TMEM178B: variants seen among roughly 807,000 people sequenced by gnomAD.
TMEM178B encodes transmembrane protein 178B.
In TMEM178B, 5 loss-of-function variants were observed where a neutral mutation model predicts 31.0. That is an observed-to-expected ratio of 0.16 (90% CI 0.08 to 0.34). The LOEUF (loss-of-function observed/expected upper bound fraction) is 0.34, where lower values mean the gene tolerates loss of function less well. Among genes scored for constraint, TMEM178B ranks in the 10% least tolerant of loss-of-function variants. TMEM178B has a pLI of 1.00. For synonymous variants in TMEM178B, 164 were observed against 164.0 expected (o/e 1.00, Z 0.00); for missense variants, 275 against 400.3 (o/e 0.69, Z 2.67).
intron 1 of TMEM178B, among the ~76,000 whole-genome samples, chr7:141,125,780 C>A (rs1795484497): frequency 6.6e-6 from 1 of 152,030 alleles, no homozygotes; most frequent in African/African-American, 2.4e-5. Flanking sequence ...GTTTTAATTG[C>A]AGTTGGCATT....
At chr7:141,184,347 C>T (rs1202111070) in intron 1 of TMEM178B, among the ~76,000 whole-genome samples, 5 of 152,160 alleles carry the variant, frequency 3.3e-5, no homozygotes, top group Admixed American at 3.3e-4. Context: ...CACTGTTACT[C>T]TTTAGGGACC....
intron 1 of TMEM178B, among the ~76,000 whole-genome samples, chr7:141,117,585 T>C (rs960627542): frequency 7.9e-5 from 12 of 152,350 alleles, no homozygotes; most frequent in African/African-American, 2.9e-4. Flanking sequence ...TCTTTGCCCA[T>C]GCCTATGTCC....
At position 141,160,822 on chromosome 7, in the gene TMEM178B, A is replaced by G. The variant is rs185631334; in HGVS notation, c.383-51769A>G. Among the ~76,000 whole-genome samples, 6 of 152,290 alleles carry G rather than the reference A, an allele frequency of 3.9e-5. No individual in the cohort carries two copies. In the East Asian group the frequency reaches 9.6e-4, roughly 24 times the overall value. ...AATTGGCCTGCATAGAGATTCAATT[A>G]TTAACCTTAAATTCAACACATTTTT... is the stretch of plus-strand genomic sequence containing the variant. On this transcript the variant is annotated intron_variant, in intron 1 of 3. Transcript: ENST00000565468.
At chr7:141,203,325 A>T (rs1168156463) in intron 1 of TMEM178B, among the ~76,000 whole-genome samples, 2 of 152,132 alleles carry the variant, frequency 1.3e-5, no homozygotes, top group Non-Finnish European at 2.9e-5. Flanking sequence ...AGAAAGTCTA[A>T]GAACTGTCAG....
intron 2 of TMEM178B, among the ~76,000 whole-genome samples, chr7:141,383,957 T>C (rs2116592313): frequency 6.6e-6 from 1 of 152,358 alleles, no homozygotes; most frequent in African/African-American, 2.4e-5. Context: ...TTTGCATTTC[T>C]CTGATGGCCA....
At chr7:141,075,645 T>A (rs985434869) in intron 1 of TMEM178B, among the ~76,000 whole-genome samples, 2 of 152,222 alleles carry the variant, frequency 1.3e-5, no homozygotes, top group Non-Finnish European at 2.9e-5. Flanking sequence ...GAATATGTTC[T>A]CTTCTATGGT....
At chr7:141,402,086 T>G (rs1800788073) in intron 2 of TMEM178B, among the ~76,000 whole-genome samples, 1 of 152,138 alleles carries the variant, frequency 6.6e-6, no homozygotes, top group African/African-American at 2.4e-5. Flanking sequence ...TACTCCACGG[T>G]GCCAGGGAGA....
chr7:141,463,800 T>C (rs1422337819), intron 3 of TMEM178B, among the ~76,000 whole-genome samples: 1 of 151,962 alleles, frequency 6.6e-6, no homozygotes, highest in Non-Finnish European at 1.5e-5. Flanking sequence ...AGTGTAGGGA[T>C]GGTGGGAGTC....
intron 2 of TMEM178B, among the ~76,000 whole-genome samples, chr7:141,212,976 C>A (rs752701657): frequency 2.6e-5 from 4 of 152,232 alleles, no homozygotes; most frequent in Non-Finnish European, 4.4e-5. Flanking sequence ...TATTTCACTA[C>A]CCTGGTAGGC....
Position 141,437,691 on chromosome 7 carries a change from T to C in TMEM178B, c.580T>C (p.Cys194Arg), listed in dbSNP as rs1037708144. ...CTGGATCATCGGCGTGCTGGGCTGC[T>C]GCTGGGACCGAGGCCTTATGCAGTA... ...FGWIIGVLGC[C>R]WDRGLMQYVA... The change falls in exon 3 of 4, where the codon TGC becomes CGC. Residue 194 changes from cysteine (C) to arginine (R), a missense_variant. Cys to Arg is a radical substitution (Grantham distance 180). Transcript: ENST00000565468. 5.3e-5 allele frequency: 81 copies of C among 1,536,070 alleles called. No homozygotes were observed. The highest frequency in any genetic ancestry group is 5.0e-4 in the Middle Eastern group (3 of 6,012).
At chr7:141,404,969 C>T (rs1324080728) in intron 2 of TMEM178B, among the ~76,000 whole-genome samples, 2 of 152,224 alleles carry the variant, frequency 1.3e-5, no homozygotes, top group Non-Finnish European at 2.9e-5. Flanking sequence ...CGTCCACCCC[C>T]TTGCAGTATG....
At chr7:141,277,256 T>C (rs1376913493) in intron 2 of TMEM178B, among the ~76,000 whole-genome samples, 1 of 152,244 alleles carries the variant, frequency 6.6e-6, no homozygotes. Flanking sequence ...TTTTCTTTCT[T>C]TGTATCCTTA....
chr7:141,162,290 T>G (rs1166597286), intron 1 of TMEM178B, among the ~76,000 whole-genome samples: 1 of 152,252 alleles, frequency 6.6e-6, no homozygotes, highest in African/African-American at 2.4e-5. Flanking sequence ...GCTCATGTTT[T>G]ACATCCCTCA....
chr7:141,138,371 A>T (rs979089677), intron 1 of TMEM178B, among the ~76,000 whole-genome samples: 8 of 152,060 alleles, frequency 5.3e-5, no homozygotes, highest in Admixed American at 2.0e-4. Context: ...TAAAATTCAA[A>T]ATTTTAAGGG....
At chr7:141,227,224 G>A (rs111704440) in intron 2 of TMEM178B, among the ~76,000 whole-genome samples, 4,040 of 152,276 alleles carry the variant, frequency 0.027, 127 homozygotes, top group African/African-American at 0.079. Context: ...AGGAGGAAAC[G>A]ACCATCTTAG....
chr7:141,195,820 A>G (rs571720926), intron 1 of TMEM178B, among the ~76,000 whole-genome samples: 121 of 152,332 alleles, frequency 7.9e-4, no homozygotes, highest in African/African-American at 2.9e-3. Flanking sequence ...TCAGAATCAT[A>G]GCAGGAGGCG....
chr7:141,433,587 A>G (rs890810280), intron 2 of TMEM178B, among the ~76,000 whole-genome samples: 25 of 152,254 alleles, frequency 1.6e-4, no homozygotes, highest in African/African-American at 5.8e-4. Flanking sequence ...ATTTTTTTCA[A>G]TCGGCCGTTA....
chr7:141,440,057 G>A (rs1405278812), intron 3 of TMEM178B, among the ~76,000 whole-genome samples: 1 of 152,250 alleles, frequency 6.6e-6, no homozygotes, highest in African/African-American at 2.4e-5. Flanking sequence ...TGTGACTGTG[G>A]TAGGGTCATT....
chr7:141,229,095 T>TATGTG, intron 2 of TMEM178B, among the ~76,000 whole-genome samples: 1 of 114,678 alleles, frequency 8.7e-6, no homozygotes, highest in African/African-American at 3.4e-5. Context: ...ATGATGTGTG[T>TATGTG]GTGTGGTGTG....
Sources: allele counts gnomAD v4.1 joint callset (sites outside exome capture counted in the v4.1 genomes callset), GRCh38; gene constraint gnomAD v4.1.1; transcripts MANE v1.5; gene names NCBI Gene and HGNC (gene_info 2026-07-23, HGNC 2026-07-21).